The following HACD1 variants were observed in gnomAD, a reference collection of about 807,000 sequenced individuals.
HACD1 encodes very-long-chain (3R)-3-hydroxyacyl-CoA dehydratase 1.
A neutral mutation model predicts 32.0 loss-of-function variants in HACD1; 41 were observed. The observed-to-expected ratio is 1.28, with a 90% confidence interval of 1.00 to 1.66. HACD1 has a LOEUF of 1.66. Ranked by LOEUF, HACD1 falls within the 40% of genes most tolerant of loss-of-function variation. The pLI is 0.00. For synonymous variants in HACD1, 142 were observed against 139.0 expected (o/e 1.02, Z -0.15); for missense variants, 396 against 380.1 (o/e 1.04, Z -0.35).
intron 1 of HACD1, among the ~76,000 whole-genome samples, chr10:17,614,026 T>C (rs74854601): frequency 0.034 from 5,153 of 152,316 alleles, 111 homozygotes; most frequent in Middle Eastern, 0.078. Context: ...AGGGAGTCAC[T>C]GAAGTCTTTA....
chr10:17,614,297 T>A (rs1409891020), intron 1 of HACD1, among the ~76,000 whole-genome samples: 1 of 152,244 alleles, frequency 6.6e-6, no homozygotes, highest in Non-Finnish European at 1.5e-5. Context: ...TTTATTTTTT[T>A]GTGTGAGACA....
intron 1 of HACD1, among the ~76,000 whole-genome samples, chr10:17,605,200 T>G (rs1834128266): frequency 6.6e-6 from 1 of 152,116 alleles, no homozygotes; most frequent in Non-Finnish European, 1.5e-5. Context: ...AAAATGTGAA[T>G]GTACTTAATG....
At chr10:17,590,551 C>G (rs1833915766) in intron 6 of HACD1, 105 bp from the exon 7 acceptor site, 1 of 729,456 alleles carries the variant, frequency 1.4e-6, no homozygotes, top group Admixed American at 3.0e-5. Context: ...ACATCCCATA[C>G]CACTGCTGTT....
At chr10:17,609,261 C>A (rs782740119) in intron 1 of HACD1, among the ~76,000 whole-genome samples, 1 of 150,066 alleles carries the variant, frequency 6.7e-6, no homozygotes, top group African/African-American at 2.5e-5. Context: ...TCATACCATT[C>A]TCCTGCCTCA....
At chr10:17,610,378 G>A (rs1237451235) in intron 1 of HACD1, among the ~76,000 whole-genome samples, 5 of 152,320 alleles carry the variant, frequency 3.3e-5, no homozygotes, top group South Asian at 2.1e-4. Flanking sequence ...GCCAGGCGCA[G>A]TGGCTCACAC....
chr10:17,610,102 T>C (rs782646817), intron 1 of HACD1, among the ~76,000 whole-genome samples: 1 of 152,140 alleles, frequency 6.6e-6, no homozygotes, highest in Non-Finnish European at 1.5e-5. Context: ...CATAGACATG[T>C]ACATGCATGC....
intron 4 of HACD1, among the ~76,000 whole-genome samples, chr10:17,601,471 A>T (rs1834069797): frequency 6.6e-6 from 1 of 152,208 alleles, no homozygotes. Flanking sequence ...AATAAATAGG[A>T]ATATTAAGGC....
chr10:17,613,097 G>GGTGTGTGTGTGT lies in HACD1; in HGVS notation c.257+3974_257+3985dup, dbSNP rs56074507. Among the ~76,000 whole-genome samples the GGTGTGTGTGTGT allele has an allele frequency of 2.3e-5, 3 of 132,814 alleles. No individual in the cohort carries two copies. In the Admixed American group the frequency reaches 2.4e-4, roughly 11 times the overall value. 87.1% of individuals were successfully genotyped at this position (132,814 alleles called of 152,430 possible). On this transcript the variant is annotated intron_variant, in intron 1 of 6. Coordinates refer to ENST00000361271, the MANE Select transcript of HACD1 (RefSeq NM_014241.4). ...ACTATTCCGTTGCTTTGCAATTTGG[G>GGTGTGTGTGTGT]GTGTGTGTGTGTGTGTGTGTGTGTG... is the stretch of plus-strand genomic sequence containing the variant.
chr10:17,590,918 G>A (rs1004346735), intron 6 of HACD1, among the ~76,000 whole-genome samples: 13 of 152,030 alleles, frequency 8.6e-5, no homozygotes, highest in South Asian at 4.1e-4. Flanking sequence ...CAAGTGATCC[G>A]CCTGCCTCGG....
Position 17,599,275 on chromosome 10 carries a change from G to A in HACD1, c.605+15C>T. 1 of 1,613,270 alleles carries A rather than the reference G, an allele frequency of 6.2e-7. No individual in the cohort carries two copies. Among genetic ancestry groups the A allele is most frequent in the Non-Finnish European group, 8.5e-7 (1 of 1,179,808 alleles). On this transcript the variant is annotated intron_variant, in intron 5 of 6. Coordinates refer to ENST00000361271, the MANE Select transcript of HACD1 (RefSeq NM_014241.4). Reference sequence around the variant, plus strand: ...GCACAGGACAAGGAGAAACTAAACTGCAAGATATCGCCACCTGGCCCATTT... The same window carrying A: ...GCACAGGACAAGGAGAAACTAAACTACAAGATATCGCCACCTGGCCCATTT...
chr10:17,612,866 G>A (rs1206799244), intron 1 of HACD1, among the ~76,000 whole-genome samples: 2 of 148,878 alleles, frequency 1.3e-5, no homozygotes, highest in African/African-American at 5.0e-5. Context: ...AACTTGCAGT[G>A]AGCCGAGATC....
chr10:17,596,309 G>A (rs75511568), intron 5 of HACD1, among the ~76,000 whole-genome samples: 2,479 of 152,224 alleles, frequency 0.016, 69 homozygotes, highest in African/African-American at 0.057. Context: ...TCTTGGCCTT[G>A]GAGAAACTCC....
chr10:17,605,657 A>C (rs1055671988), intron 1 of HACD1, among the ~76,000 whole-genome samples: 4 of 151,988 alleles, frequency 2.6e-5, no homozygotes, highest in African/African-American at 7.2e-5. Context: ...TTAAAAAAAA[A>C]AAAACAAAAG....
chr10:17,599,054 C>T, intron 5 of HACD1: 1 of 732,920 alleles, frequency 1.4e-6, no homozygotes, highest in South Asian at 4.5e-5. Context: ...TTAAGGATAC[C>T]ACAATTTGTC....
chr10:17,617,239 G>T lies in HACD1; in HGVS notation c.101C>A (p.Pro34His). The change falls in exon 1 of 7, where the codon CCC becomes CAC. Residue 34 changes from proline to histidine, a missense_variant. Coordinates refer to ENST00000361271, the MANE Select transcript of HACD1 (RefSeq NM_014241.4). Reference sequence around the variant, plus strand: ...GGACGCCATGGTGGCCGCGCACCTGGGGGACGTGGGAGACAGCGGCAGGAG... The same window carrying T: ...GGACGCCATGGTGGCCGCGCACCTGTGGGACGTGGGAGACAGCGGCAGGAG... ...PTLLPLSPTS[P>H]RCAATMASSD... 2.0e-6 allele frequency: 3 copies of T among 1,485,220 alleles called. No homozygotes were observed. Among genetic ancestry groups the T allele is most frequent in the Non-Finnish European group, 1.8e-6 (2 of 1,123,016 alleles). 92.0% of individuals were successfully genotyped at this position (1,485,220 alleles called of 1,614,324 possible). A position where few individuals can be genotyped will look rare whatever the true frequency, so the allele number is the denominator to read the frequency against.
chr10:17,593,949 C>T (rs12265410), intron 6 of HACD1, among the ~76,000 whole-genome samples: 4,214 of 152,200 alleles, frequency 0.028, 193 homozygotes, highest in African/African-American at 0.097. Context: ...TCATACTAAG[C>T]TGATGTTTAA....
At chr10:17,594,473 T>C in intron 5 of HACD1, 90 bp from the exon 6 acceptor site, 1 of 995,460 alleles carries the variant, frequency 1.0e-6, no homozygotes, top group Non-Finnish European at 1.4e-6. Flanking sequence ...AAATTTAAAC[T>C]TCAAAATTCT....
chr10:17,603,768 A>G, intron 2 of HACD1, 24 bp from the exon 3 acceptor site: 1 of 1,585,914 alleles, frequency 6.3e-7, no homozygotes, highest in South Asian at 1.1e-5. Flanking sequence ...GAAAAAAATC[A>G]TTACGTCAAT....
At chr10:17,597,711 T>C (rs1564505845) in intron 5 of HACD1, among the ~76,000 whole-genome samples, 1 of 151,710 alleles carries the variant, frequency 6.6e-6, no homozygotes, top group Non-Finnish European at 1.5e-5. Context: ...CGAAATGATA[T>C]TGATGTGTTC....
Sources: gnomAD v4.1 joint callset for allele counts (sites outside exome capture counted in the v4.1 genomes callset) on GRCh38, gnomAD v4.1.1 for gene constraint, MANE v1.5 for transcripts, NCBI Gene and HGNC (gene_info 2026-07-23, HGNC 2026-07-21) for gene names.